Variants in PALLD observed in about 807,000 individuals in gnomAD.
The protein encoded by PALLD is palladin.
A neutral mutation model predicts 123.5 loss-of-function variants in PALLD; 61 were observed. That is an observed-to-expected ratio of 0.49 (90% confidence interval 0.40 to 0.61). PALLD has a LOEUF of 0.61. Among genes scored for constraint, PALLD ranks in the 20% least tolerant of loss-of-function variants. The probability of loss-of-function intolerance (pLI) is 0.00; values close to 1 mark genes in which losing one functional copy is unlikely to be tolerated. For missense variants in PALLD, 1,273 were observed against 1,377.0 expected, an observed-to-expected ratio of 0.92 and a Z score of 1.20; for synonymous variants, 465 against 496.4, an observed-to-expected ratio of 0.94 and a Z score of 0.84.
chr4:168,527,422 CAAAAAAAAAAAA>C (rs35555541), intron 2 of PALLD, among the ~76,000 whole-genome samples: 1 of 52,916 alleles, frequency 1.9e-5, no homozygotes, highest in Non-Finnish European at 3.0e-5. Flanking sequence ...AACTCCATCT[CAAAAAAAAAAAA>C]AAAAAAAAAA....
At chr4:168,771,213 A>G (rs1581390363) in intron 10 of PALLD, among the ~76,000 whole-genome samples, 2 of 152,206 alleles carry the variant, frequency 1.3e-5, no homozygotes. Flanking sequence ...ATGAATTTGT[A>G]TGAATCCTTA....
At chr4:168,568,653 T>A (rs1029637813) in intron 2 of PALLD, among the ~76,000 whole-genome samples, 5 of 152,024 alleles carry the variant, frequency 3.3e-5, no homozygotes, top group Non-Finnish European at 7.4e-5. Flanking sequence ...GGTTTGTGTA[T>A]GTATAAGGTA....
intron 10 of PALLD, among the ~76,000 whole-genome samples, chr4:168,816,654 G>A (rs1741998127): frequency 6.6e-6 from 1 of 151,826 alleles, no homozygotes; most frequent in Non-Finnish European, 1.5e-5. Flanking sequence ...CATGCTTTGC[G>A]GTGACTTCCA....
intron 10 of PALLD, among the ~76,000 whole-genome samples, chr4:168,769,309 G>C (rs572922461): frequency 6.6e-6 from 1 of 152,224 alleles, no homozygotes; most frequent in South Asian, 2.1e-4. Flanking sequence ...TGTCCTCACA[G>C]TGACGTGGAA....
chr4:168,530,941 C>T (rs1296100270), intron 2 of PALLD, among the ~76,000 whole-genome samples: 1 of 152,200 alleles, frequency 6.6e-6, no homozygotes, highest in African/African-American at 2.4e-5. Flanking sequence ...GGAATGTCCC[C>T]CTCCTCTGAA....
In PALLD at chr4:168,750,930, G is replaced by A. The variant is rs76835148; in HGVS notation, c.1964+39007G>A. 3.0e-3 allele frequency among the ~76,000 whole-genome samples: 454 copies of A among 151,974 alleles called. 3 individuals carry two copies. Among genetic ancestry groups the A allele is most frequent in the African/African-American group, 0.011 (437 of 41,420 alleles). On this transcript the variant is annotated intron_variant, in intron 10 of 21. Coordinates refer to ENST00000505667, the MANE Select transcript of PALLD (RefSeq NM_001166108.2). ...CTCTCTGTCTGGTTGGTAACTGAAG[G>A]TAACAGAAACTCAGCAAACAGATGT...
chr4:168,578,719 C>G (rs1769913787), intron 2 of PALLD, among the ~76,000 whole-genome samples: 1 of 151,614 alleles, frequency 6.6e-6, no homozygotes. Flanking sequence ...ATAGAATAGA[C>G]AGATGATAGA....
intron 10 of PALLD, among the ~76,000 whole-genome samples, chr4:168,778,529 T>G (rs540522981): frequency 6.6e-6 from 1 of 152,270 alleles, no homozygotes; most frequent in South Asian, 2.1e-4. Context: ...CTGAATCCCT[T>G]TAGGGCAAAG....
intron 17 of PALLD, 63 bp downstream of exon 17, chr4:168,916,090 T>G: frequency 5.4e-6 from 8 of 1,476,002 alleles, no homozygotes; most frequent in Non-Finnish European, 5.6e-6. Flanking sequence ...GCCATTTCTC[T>G]ATAGTTCCTT....
At chr4:168,512,465 CTTT>C in intron 2 of PALLD, 53 bp downstream of exon 2, 1 of 1,473,064 alleles carries the variant, frequency 6.8e-7, no homozygotes, top group Non-Finnish European at 9.4e-7. Flanking sequence ...TTTGGTGTTA[CTTT>C]AATATGGGAG....
At chr4:168,665,152 A>C (rs1425440446) in intron 2 of PALLD, among the ~76,000 whole-genome samples, 1 of 152,194 alleles carries the variant, frequency 6.6e-6, no homozygotes, top group Non-Finnish European at 1.5e-5. Flanking sequence ...CATGTTTCTG[A>C]GATCACAGGC....
At chr4:168,872,780 G>C (rs1393832710) in intron 10 of PALLD, among the ~76,000 whole-genome samples, 2 of 152,184 alleles carry the variant, frequency 1.3e-5, no homozygotes, top group African/African-American at 2.4e-5. Context: ...GTTAGATATT[G>C]ACCTTCATGC....
rs11939247 is a variant in PALLD, at chr4:168,582,602, C to A, written c.908+70190C>A. ...GCCTTTAGTATATTGAGGAACATTTCTTTGATACCTATCTCGTTGAGAATT... is the reference window on the plus strand; with the variant it reads ...GCCTTTAGTATATTGAGGAACATTTATTTGATACCTATCTCGTTGAGAATT... On this transcript the variant is annotated intron_variant, in intron 2 of 21. Transcript: ENST00000505667. Among the ~76,000 whole-genome samples the A allele has an allele frequency of 5.1e-3, 773 of 152,146 alleles. 10 individuals are homozygous for A. Among genetic ancestry groups the A allele is most frequent in the African/African-American group, 0.018 (739 of 41,524 alleles).
intron 10 of PALLD, among the ~76,000 whole-genome samples, chr4:168,809,546 T>C (rs940691708): frequency 6.6e-6 from 1 of 152,106 alleles, no homozygotes; most frequent in South Asian, 2.1e-4. Context: ...AAAGACAGAC[T>C]CTGGAAAATG....
At chr4:168,742,804 T>C (rs1391515986) in intron 10 of PALLD, among the ~76,000 whole-genome samples, 2 of 152,350 alleles carry the variant, frequency 1.3e-5, no homozygotes, top group East Asian at 3.9e-4. Flanking sequence ...TTGACAGTTG[T>C]ATATTTTCTG....
intron 1 of PALLD, among the ~76,000 whole-genome samples, chr4:168,503,959 T>G (rs1761716054): frequency 6.6e-6 from 1 of 152,216 alleles, no homozygotes; most frequent in South Asian, 2.1e-4. Flanking sequence ...ACCTATGATC[T>G]CTCTTACCAT....
At chr4:168,562,786 C>T (rs888517438) in intron 2 of PALLD, among the ~76,000 whole-genome samples, 9 of 152,038 alleles carry the variant, frequency 5.9e-5, no homozygotes, top group Non-Finnish European at 1.0e-4. Context: ...GACTCTAGGC[C>T]GTGGAAAGGA....
Position 168,922,251 on chromosome 4 carries a change from G to A in PALLD, c.3058+510G>A, listed in dbSNP as rs543652916. ...TGTAGGTAAATTCTGTAAAAGTGCT[G>A]TTACATGAAGTCTTATGCTTTGAGA... On this transcript the variant is annotated intron_variant, in intron 18 of 21. Transcript: ENST00000505667. Among the ~76,000 whole-genome samples, 7 of 152,062 alleles carry A rather than the reference G, an allele frequency of 4.6e-5. No individual in the cohort carries two copies. The East Asian group carries it at 1.4e-3, about 29-fold the overall frequency.
chr4:168,601,405 T>C lies in PALLD; in HGVS notation c.909-66785T>C, dbSNP rs144898628. Among the ~76,000 whole-genome samples the C allele has an allele frequency of 2.3e-3, 347 of 152,246 alleles. 4 individuals are homozygous for C. The highest frequency in any genetic ancestry group is 0.017 in the Middle Eastern group (5 of 294). ...GCAATGATTCATAAACTTCAATGCG[T>C]AGAATGCCATGAATAGCCTGTTAGA... On this transcript the variant is annotated intron_variant, in intron 2 of 21. Transcript: ENST00000505667.
Sources: allele counts gnomAD v4.1 joint callset (sites outside exome capture counted in the v4.1 genomes callset), GRCh38; gene constraint gnomAD v4.1.1; transcripts MANE v1.5; gene names NCBI Gene and HGNC (gene_info 2026-07-23, HGNC 2026-07-21).